MORC4: variants seen among roughly 807,000 people sequenced by gnomAD.
MORC4 encodes MORC family CW-type zinc finger protein 4.
Under a neutral mutation model 65.5 loss-of-function variants are expected in MORC4, and 22 were observed. That is an observed-to-expected ratio of 0.34 (90% confidence interval 0.24 to 0.48). The LOEUF (loss-of-function observed/expected upper bound fraction) is 0.48, where lower values mean the gene tolerates loss of function less well. Ranked by LOEUF, MORC4 falls within the 20% of genes least tolerant of loss-of-function variation. MORC4 has a pLI of 0.99. For synonymous variants in MORC4, 267 were observed against 255.8 expected (o/e 1.04, Z -0.42); for missense variants, 624 against 703.0 (o/e 0.89, Z 1.27).
rs765353482 is a variant in MORC4, at chrX:106,994,176, CA to C, written c.176-815del. Reference sequence around the variant, plus strand: ...TATTGCCATAGTCTAACAATTGTGTCACGTCCACAACCCCAGGGGGGTGCCA... The same window carrying C: ...TATTGCCATAGTCTAACAATTGTGTCCGTCCACAACCCCAGGGGGGTGCCA... On this transcript the variant is annotated intron_variant, in intron 2 of 16. Coordinates refer to ENST00000355610, the MANE Select transcript of MORC4 (RefSeq NM_024657.5). 3.6e-5 allele frequency among the ~76,000 whole-genome samples: 4 copies of C among 112,376 alleles called. No homozygotes were observed. In the South Asian group the frequency reaches 1.5e-3, roughly 42 times the overall value.
In MORC4 at chrX:106,985,129, T is replaced by C; in HGVS notation, c.641A>G (p.Lys214Arg). ...LAQFDAIPGK[K>R]GTRVLIWNIR... ...GTTCCAAATGAGAACACGAGTGCCT[T>C]TTTTGCCTGGGATGGCATCAAACTG... The change falls in exon 5 of 17, where the codon AAA (lysine) becomes AGA (arginine). Residue 214 changes from lysine (K) to arginine (R), a missense_variant. Transcript: ENST00000355610. 2 of 1,206,483 alleles carry C rather than the reference T, an allele frequency of 1.7e-6. No individual in the cohort carries two copies. The highest frequency in any genetic ancestry group is 2.2e-6 in the Non-Finnish European group (2 of 892,329).
intron 9 of MORC4, among the ~76,000 whole-genome samples, chrX:106,963,885 AC>A (rs1569300503): frequency 9.2e-6 from 1 of 108,284 alleles, no homozygotes; most frequent in Non-Finnish European, 1.9e-5. Context: ...AAAAACAACA[AC>A]AACAACAAAA....
At chrX:106,987,645 T>C (rs1335596826) in intron 3 of MORC4, among the ~76,000 whole-genome samples, 5 of 111,611 alleles carry the variant, frequency 4.5e-5, no homozygotes, top group African/African-American at 1.6e-4. Context: ...ATTTTACTCT[T>C]TTGAGCATGG....
chrX:106,955,773 C>T (rs1233106942), intron 13 of MORC4, among the ~76,000 whole-genome samples: 1 of 111,328 alleles, frequency 9.0e-6, no homozygotes, highest in African/African-American at 3.3e-5. Flanking sequence ...TTGCCTCTAT[C>T]CTCACCAGTC....
chrX:106,986,335 C>T, intron 3 of MORC4, 135 bp from the exon 4 acceptor site: 1 of 483,922 alleles, frequency 2.1e-6, no homozygotes, highest in Non-Finnish European at 3.4e-6. Flanking sequence ...TTTTTTATTC[C>T]TTTTGGTATT....
intron 10 of MORC4, among the ~76,000 whole-genome samples, chrX:106,959,044 A>G (rs977212029): frequency 9.8e-5 from 11 of 111,976 alleles, no homozygotes; most frequent in Non-Finnish European, 1.9e-4. Context: ...CCCTTTGCTT[A>G]TAATACTTCA....
intron 14 of MORC4, among the ~76,000 whole-genome samples, chrX:106,949,084 C>T (rs1431018048): frequency 9.0e-6 from 1 of 111,646 alleles, no homozygotes; most frequent in African/African-American, 3.2e-5. Flanking sequence ...AAGCTCTGTT[C>T]ATTTTTCTTT....
At chrX:106,946,213 C>T (rs1024252907) in intron 14 of MORC4, among the ~76,000 whole-genome samples, 1 of 111,799 alleles carries the variant, frequency 8.9e-6, no homozygotes, top group Non-Finnish European at 1.9e-5. Flanking sequence ...TGAAAATATG[C>T]ACCACCCCGC....
chrX:106,948,850 C>CT (rs1296427989), intron 14 of MORC4, among the ~76,000 whole-genome samples: 1 of 111,091 alleles, frequency 9.0e-6, no homozygotes, highest in African/African-American at 3.3e-5. Context: ...TTTCTCTTTG[C>CT]TTTTGGCTTT....
chrX:106,988,311 C>G (rs1019209633), intron 3 of MORC4, among the ~76,000 whole-genome samples: 4 of 111,782 alleles, frequency 3.6e-5, no homozygotes, highest in Admixed American at 1.9e-4. Flanking sequence ...ATTTTTTAGC[C>G]TCTTCCACCA....
At chrX:106,994,722 C>T (rs904741093) in intron 2 of MORC4, among the ~76,000 whole-genome samples, 2 of 111,590 alleles carry the variant, frequency 1.8e-5, no homozygotes, top group African/African-American at 6.5e-5. Flanking sequence ...AACAGTAGTA[C>T]AGCATCACCA....
At chrX:106,957,333 T>C (rs1383241727) in intron 11 of MORC4, among the ~76,000 whole-genome samples, 1 of 111,783 alleles carries the variant, frequency 8.9e-6, no homozygotes, top group Non-Finnish European at 1.9e-5. Context: ...AAAGATAAAG[T>C]ATTCAAAAAC....
chrX:106,972,119 A>G (rs1026773058), intron 9 of MORC4, among the ~76,000 whole-genome samples: 3 of 112,184 alleles, frequency 2.7e-5, no homozygotes, highest in Admixed American at 9.4e-5. Flanking sequence ...ACATATACAC[A>G]TGGAATACTA....
chrX:106,967,903 T>A (rs1381934689), intron 9 of MORC4, among the ~76,000 whole-genome samples: 1 of 111,810 alleles, frequency 8.9e-6, no homozygotes, highest in Non-Finnish European at 1.9e-5. Context: ...CAGGATATTA[T>A]CCAGGAGAAC....
intron 14 of MORC4, among the ~76,000 whole-genome samples, chrX:106,953,183 T>C (rs887148690): frequency 1.8e-5 from 2 of 112,091 alleles, no homozygotes; most frequent in Non-Finnish European, 3.8e-5. Flanking sequence ...TGATGAAGTA[T>C]GCCACCCAAT....
chrX:106,966,739 T>C (rs1013440951), intron 9 of MORC4, among the ~76,000 whole-genome samples: 1 of 112,734 alleles, frequency 8.9e-6, no homozygotes, highest in Non-Finnish European at 1.9e-5. Flanking sequence ...GGGAGGGGCA[T>C]CTGCCATTGC....
rs1251155648 is a variant in MORC4 at position 106,940,818 on chromosome X, GGAA to G, written c.*658_*660del. On this transcript the variant is annotated 3_prime_UTR_variant, in exon 17 of 17. Coordinates refer to ENST00000355610, the MANE Select transcript of MORC4 (RefSeq NM_024657.5). ...AAAATCTGAAAAAGGCAGGAAGATA[GGAA>G]GAAGAAAAATATCAACCATAGTCCT... 3 of 111,883 alleles carry G rather than the reference GGAA, an allele frequency of 2.7e-5. No homozygotes were observed. Among genetic ancestry groups the G allele is most frequent in the African/African-American group, 9.8e-5 (3 of 30,768 alleles). The allele number at this position is 111,883 out of a possible 1,213,427, so 9.2% of individuals were successfully genotyped here. A position where few individuals can be genotyped will look rare whatever the true frequency, so the allele number is the denominator to read the frequency against.
intron 7 of MORC4, 70 bp downstream of exon 7, chrX:106,980,821 G>T (rs1934724330): frequency 3.8e-6 from 4 of 1,049,294 alleles, no homozygotes; most frequent in African/African-American, 3.8e-5. Flanking sequence ...TTGTTTTTCT[G>T]TGTCAACCTG....
chrX:106,953,251 C>G (rs1278779697), intron 14 of MORC4, among the ~76,000 whole-genome samples: 1 of 110,965 alleles, frequency 9.0e-6, no homozygotes, highest in Non-Finnish European at 1.9e-5. Context: ...TTTGTAATCC[C>G]CTTGAGGTTA....
Sources: allele counts gnomAD v4.1 joint callset (sites outside exome capture counted in the v4.1 genomes callset), GRCh38; gene constraint gnomAD v4.1.1; transcripts MANE v1.5; gene names NCBI Gene and HGNC (gene_info 2026-07-23, HGNC 2026-07-21).